ALS2CL: variants seen among roughly 807,000 people sequenced by gnomAD.
ALS2CL encodes the protein ALS2 C-terminal-like protein.
A neutral mutation model predicts 127.9 loss-of-function variants in ALS2CL; 112 were observed. The ratio of observed to expected loss-of-function variants is 0.88; its 90% confidence interval spans 0.75 to 1.02. The LOEUF (loss-of-function observed/expected upper bound fraction) is 1.02. ALS2CL is among the 50% of genes least tolerant of loss of function. The pLI, the probability that ALS2CL is intolerant of heterozygous loss-of-function variation, is 0.00. For synonymous variants in ALS2CL, 519 were observed against 527.6 expected (o/e 0.98, Z 0.22); for missense variants, 1,174 against 1,236.7 (o/e 0.95, Z 0.76).
At position 46,675,676 on chromosome 3, in the gene ALS2CL, G is replaced by A. The variant is rs1698759244; in HGVS notation, c.2197C>T (p.Arg733Ter). ...TGGCCCTTGCGCTCTAAGGCAACTC[G>A]CAGCAGACCCCTGTGAGTCAATGAG... ...ELWAAYRGLL[R>*]VALERKGQAL... The change falls in exon 20 of 26, where the codon CGA (arginine) becomes TGA (stop). Residue 733 changes from arginine (R) to a stop codon, truncating the protein, a stop_gained. Transcript: ENST00000318962. LOFTEE classifies it high-confidence loss of function. The A allele has an allele frequency of 3.1e-6, 5 of 1,613,596 alleles. No individual in the cohort carries two copies. The highest frequency in any genetic ancestry group is 1.3e-5 in the African/African-American group (1 of 75,006).
intron 17 of ALS2CL, 36 bp from the exon 18 acceptor site, chr3:46,676,774 C>T (rs75396319): frequency 7.4e-6 from 12 of 1,612,516 alleles, no homozygotes; most frequent in African/African-American, 1.3e-5. Flanking sequence ...ACCCACACCT[C>T]GGCCCAGCCC....
Position 46,687,033 on chromosome 3 carries a change from C to G in ALS2CL, c.484G>C (p.Val162Leu). 1 of 1,605,680 alleles carries G rather than the reference C, an allele frequency of 6.2e-7. No individual in the cohort carries two copies. Among genetic ancestry groups the G allele is most frequent in the South Asian group, 1.1e-5 (1 of 90,490 alleles). ...AGCAGGAGGAGCACGTACTGTTGCA[C>G]GTGATGGGCGAGTGGCTGGTGGAGG... The part of the protein sequence containing the change: ...QALHQPLAHH[V>L]QQYVLLLLSL... Residue 162 changes from valine (V) to leucine (L), a missense_variant, in exon 5 of 26, where the codon GTG becomes CTG. By Grantham distance (32) the Val-to-Leu change is conservative. Transcript: ENST00000318962.
At chr3:46,674,156 G>A (rs55991232) in intron 21 of ALS2CL, among the ~76,000 whole-genome samples, 32,147 of 152,088 alleles carry the variant, frequency 0.21, 3,570 homozygotes, top group Middle Eastern at 0.32. Context: ...CCTCAGCAGT[G>A]GATATTCAGG....
chr3:46,683,397 G>A, intron 9 of ALS2CL, 71 bp from the exon 10 acceptor site: 1 of 1,423,846 alleles, frequency 7.0e-7, no homozygotes, highest in Non-Finnish European at 9.6e-7. Context: ...AGCCTTCTGG[G>A]GTAGCTCCAG....
At chr3:46,677,112 G>T (rs1022817758) in intron 16 of ALS2CL, 90 bp from the exon 17 acceptor site, 164 of 1,502,682 alleles carry the variant, frequency 1.1e-4, no homozygotes, top group Non-Finnish European at 8.6e-5. Flanking sequence ...AGGGGTGGGG[G>T]TATGAGCCTG....
At chr3:46,682,339 G>A (rs1287016083) in intron 10 of ALS2CL, among the ~76,000 whole-genome samples, 3 of 152,320 alleles carry the variant, frequency 2.0e-5, no homozygotes, top group East Asian at 3.9e-4. Context: ...GAAAGCCCTG[G>A]AGACATCTAG....
At chr3:46,692,682 G>A (rs902689303) in intron 1 of ALS2CL, among the ~76,000 whole-genome samples, 1 of 152,214 alleles carries the variant, frequency 6.6e-6, no homozygotes, top group Non-Finnish European at 1.5e-5. Flanking sequence ...TGCTCACCAC[G>A]GGGTGCGGTG....
Position 46,685,533 on chromosome 3 carries a change from G to A in ALS2CL, c.778C>T (p.Leu260=). 6.2e-7 allele frequency: 1 copy of A among 1,613,766 alleles called. No individual in the cohort carries two copies. Among genetic ancestry groups the A allele is most frequent in the Non-Finnish European group, 8.5e-7 (1 of 1,179,742 alleles). Residue 260 remains leucine, a synonymous_variant, in exon 7 of 26, where the codon CTG becomes TTG. Coordinates refer to ENST00000318962, the MANE Select transcript of ALS2CL (RefSeq NM_147129.5). ...RVLLFDDALV[L]LQGHNVHTFD... ...GTCAGCCCCACCCCAACCTGCAGCA[G>A]GACGAGGGCATCATCAAAGAGCAGC... is the stretch of plus-strand genomic sequence containing the variant.
chr3:46,676,329 G>A lies in ALS2CL; in HGVS notation c.2102C>T (p.Ala701Val). The A allele has an allele frequency of 1.2e-6, 2 of 1,613,918 alleles. No homozygotes were observed. Among genetic ancestry groups the A allele is most frequent in the Non-Finnish European group, 1.7e-6 (2 of 1,179,992 alleles). Residue 701 changes from alanine (A) to valine (V), a missense_variant, in exon 19 of 26, where the codon GCA (alanine) becomes GTA (valine). Ala to Val is a moderately conservative substitution (Grantham distance 64). Transcript: ENST00000318962. ...CAGGTGCTTGTTGGCCCCGACACCT[G>A]CGTAGGTAGCCTGGAAGGTCAGCAT... ...TLMLTFQATY[A>V]GVGANKHLQE...
chr3:46,677,081 G>A lies in ALS2CL; in HGVS notation c.1758-59C>T, dbSNP rs1698910593. ...GAGAGAGATGGAGCTGAGGTAGGCA[G>A]GACTCTGCCCAGGCCCTTGGAGGGG... On this transcript the variant is annotated intron_variant, in intron 16 of 25. Transcript: ENST00000318962. The A allele has an allele frequency of 1.9e-6, 3 of 1,543,900 alleles. No homozygotes were observed. The Admixed American group carries it at 5.6e-5, about 29-fold the overall frequency.
At chr3:46,691,969 A>T (rs1291858275) in intron 1 of ALS2CL, among the ~76,000 whole-genome samples, 1 of 152,004 alleles carries the variant, frequency 6.6e-6, no homozygotes, top group Non-Finnish European at 1.5e-5. Flanking sequence ...CCACCCCACA[A>T]AGCAGCCTAT....
chr3:46,677,810 T>C (rs771602411), intron 16 of ALS2CL, among the ~76,000 whole-genome samples: 1 of 152,216 alleles, frequency 6.6e-6, no homozygotes, highest in Non-Finnish European at 1.5e-5. Context: ...ATAATGACTG[T>C]GATTCCACTT....
At position 46,678,220 on chromosome 3, in the gene ALS2CL, C is replaced by A. The variant is rs1315486910; in HGVS notation, c.1757+39G>T. On this transcript the variant is annotated intron_variant, in intron 16 of 25. Coordinates refer to ENST00000318962, the MANE Select transcript of ALS2CL (RefSeq NM_147129.5). ...CTTTGGGATGGAAACACAGACACAT[C>A]CCCAGATAGGCCCAGAGCCAGAGGG... 2.0e-6 allele frequency: 3 copies of A among 1,517,978 alleles called. No homozygotes were observed. The African/African-American group carries it at 4.1e-5, about 21-fold the overall frequency. The allele number at this position is 1,517,978 out of a possible 1,614,324, so 94.0% of individuals were successfully genotyped here. A position where few individuals can be genotyped will look rare whatever the true frequency, so the allele number is the denominator to read the frequency against.
At chr3:46,678,527 T>C in intron 15 of ALS2CL, 138 bp from the exon 16 acceptor site, 1 of 1,191,416 alleles carries the variant, frequency 8.4e-7, no homozygotes, top group Non-Finnish European at 1.1e-6. Context: ...CCATTCAAGC[T>C]GCTCCATGCT....
In ALS2CL at chr3:46,686,287, C is replaced by G; in HGVS notation, c.666+21G>C. On this transcript the variant is annotated intron_variant, in intron 6 of 25. Transcript: ENST00000318962. This position sits in a 1 kb window ranked among gnomAD's most constrained non-coding sequence, Gnocchi z 4.3. ...CAATGTGGAACCCCCTCCCTAACTG[C>G]CCCTCAGGCCCCCAACTCACCCTCA... The G allele has an allele frequency of 6.3e-7, 1 of 1,590,334 alleles. No individual in the cohort carries two copies. The highest frequency in any genetic ancestry group is 8.6e-7 in the Non-Finnish European group (1 of 1,168,074).
At chr3:46,675,964 G>A (rs1375092945) in intron 19 of ALS2CL, 2 of 1,422,474 alleles carry the variant, frequency 1.4e-6, no homozygotes, top group African/African-American at 1.4e-5. Flanking sequence ...CCGAGTCCAG[G>A]GCCAAGCTCA....
Position 46,685,509 on chromosome 3 carries a change from T to C in ALS2CL, c.786+16A>G. 2 of 1,612,416 alleles carry C rather than the reference T, an allele frequency of 1.2e-6. No homozygotes were observed. Among genetic ancestry groups the C allele is most frequent in the East Asian group, 4.5e-5 (2 of 44,818 alleles). ...CCTACTGTGGCCTCAAGACCTTGGG[T>C]CAGCCCCACCCCAACCTGCAGCAGG... On this transcript the variant is annotated intron_variant, in intron 7 of 25. Transcript: ENST00000318962.
intron 1 of ALS2CL, among the ~76,000 whole-genome samples, chr3:46,692,029 G>C (rs1479687942): frequency 6.6e-6 from 1 of 152,164 alleles, no homozygotes; most frequent in African/African-American, 2.4e-5. Flanking sequence ...GTTAATCTGG[G>C]AGTCTTCCAC....
chr3:46,678,394 G>A lies in ALS2CL; in HGVS notation c.1627-5C>T. 1 of 1,611,330 alleles carries A rather than the reference G, an allele frequency of 6.2e-7. No individual in the cohort carries two copies. The highest frequency in any genetic ancestry group is 1.3e-5 in the African/African-American group (1 of 75,028). On this transcript the variant is annotated splice_region_variant and splice_polypyrimidine_tract_variant and intron_variant, in intron 15 of 25. Transcript: ENST00000318962. ...ATTGGGGAAGGTGACCTTGCCCTGG[G>A]AGCCAGGAGAAGGAGCAGGGATGTC...
Sources: gnomAD v4.1 joint callset for allele counts (sites outside exome capture counted in the v4.1 genomes callset) on GRCh38, gnomAD v4.1.1 for gene constraint, Gnocchi (gnomAD v3.1) non-coding constraint, MANE v1.5 for transcripts, NCBI Gene and HGNC (gene_info 2026-07-23, HGNC 2026-07-21) for gene names.